DNAH6: variants seen among roughly 807,000 people sequenced by gnomAD.
The protein encoded by DNAH6 is dynein axonemal heavy chain 6, also known as axonemal beta dynein heavy chain 6.
A neutral mutation model predicts 491.4 loss-of-function variants in DNAH6; 340 were observed. That is an observed-to-expected ratio of 0.69 (90% CI 0.63 to 0.76). The LOEUF is 0.76. DNAH6 is among the 30% of genes least tolerant of loss of function. The pLI is 0.00. For missense variants in DNAH6, 4,443 were observed against 4,972.2 expected (o/e 0.89, Z 3.20); for synonymous variants, 1,603 against 1,686.1 (o/e 0.95, Z 1.21).
chr2:84,465,728 A>G, the DNAH6 span, among the ~76,000 whole-genome samples: 1 of 152,162 alleles, frequency 6.6e-6, no homozygotes, highest in African/African-American at 2.4e-5. Flanking sequence ...AAATTTTTAC[A>G]TTACCCAACC....
chr2:84,562,341 T>A (rs999511294), intron 11 of DNAH6, among the ~76,000 whole-genome samples: 20 of 152,110 alleles, frequency 1.3e-4, no homozygotes, highest in African/African-American at 4.8e-4. Context: ...ATGTGATGAA[T>A]ATAAATGAGC....
intron 61 of DNAH6, among the ~76,000 whole-genome samples, chr2:84,732,906 C>A (rs1029527362): frequency 6.6e-6 from 1 of 152,170 alleles, no homozygotes; most frequent in Non-Finnish European, 1.5e-5. Flanking sequence ...ACTGTTTGCC[C>A]ACATGTAAGT....
At chr2:84,648,242 C>G (rs1041222008) in intron 33 of DNAH6, among the ~76,000 whole-genome samples, 3 of 152,148 alleles carry the variant, frequency 2.0e-5, no homozygotes, top group African/African-American at 7.2e-5. Context: ...TGGCAATGAA[C>G]CTGGTCACTC....
At chr2:84,516,870 A>C (rs913798844) in intron 1 of DNAH6, among the ~76,000 whole-genome samples, 1 of 152,314 alleles carries the variant, frequency 6.6e-6, no homozygotes, top group African/African-American at 2.4e-5. Context: ...CAATGTGCTC[A>C]TATGTAAAAA....
intron 5 of DNAH6, among the ~76,000 whole-genome samples, chr2:84,545,878 C>T (rs1037860): frequency 0.92 from 140,185 of 152,210 alleles, 64,778 homozygotes; most frequent in East Asian, 1. Flanking sequence ...TGTTGGCACC[C>T]GTGCCTATGT....
chr2:84,638,578 A>G (rs1161453229), intron 31 of DNAH6, among the ~76,000 whole-genome samples: 1 of 152,230 alleles, frequency 6.6e-6, no homozygotes, highest in Non-Finnish European at 1.5e-5. Context: ...TCCTGTGATA[A>G]CAGCTAATTT....
chr2:84,743,945 G>A (rs1202825387), intron 62 of DNAH6, among the ~76,000 whole-genome samples: 1 of 152,146 alleles, frequency 6.6e-6, no homozygotes, highest in Non-Finnish European at 1.5e-5. Flanking sequence ...AACCTCACTG[G>A]AAAAGGAGTC....
At chr2:84,666,678 G>A (rs1329382060) in intron 37 of DNAH6, among the ~76,000 whole-genome samples, 1 of 152,096 alleles carries the variant, frequency 6.6e-6, no homozygotes, top group South Asian at 2.1e-4. Context: ...ACTGCCCAAG[G>A]TAATTTATAG....
At chr2:84,570,785 T>C (rs1681735206) in intron 11 of DNAH6, among the ~76,000 whole-genome samples, 2 of 152,308 alleles carry the variant, frequency 1.3e-5, no homozygotes, top group African/African-American at 2.4e-5. Flanking sequence ...CGGGTCCCCT[T>C]CCACGCTGTG....
At chr2:84,658,983 T>A (rs1276406736) in intron 36 of DNAH6, 43 bp from the exon 37 acceptor site, 20 of 1,198,090 alleles carry the variant, frequency 1.7e-5, no homozygotes, top group Non-Finnish European at 2.3e-5. Flanking sequence ...TCTTTTTATG[T>A]TCATATATAA....
At chr2:84,586,510 A>G (rs547999202) in intron 15 of DNAH6, among the ~76,000 whole-genome samples, 14 of 152,168 alleles carry the variant, frequency 9.2e-5, no homozygotes, top group Non-Finnish European at 1.2e-4. Flanking sequence ...GATGTAGTTT[A>G]TTCATGTTTA....
chr2:84,709,102 G>A (rs960656161), intron 54 of DNAH6, among the ~76,000 whole-genome samples: 2 of 152,344 alleles, frequency 1.3e-5, no homozygotes, highest in East Asian at 1.9e-4. Context: ...GACAACTGAG[G>A]TCCAAATAGA....
rs527454809 is a variant in DNAH6, at chr2:84,815,423, C to CA, written c.12151-437dup. On this transcript the variant is annotated intron_variant, in intron 75 of 76. Coordinates refer to ENST00000389394, the MANE Select transcript of DNAH6 (RefSeq NM_001370.2). ...CACCGGTGGAGACATCCAATCACAT[C>CA]ACAGGAATCTGATGGGCAGGGTCTC... 5.9e-4 allele frequency among the ~76,000 whole-genome samples: 88 copies of CA among 150,044 alleles called. 1 individual carries two copies. The South Asian group carries it at 0.018, about 30-fold the overall frequency.
intron 46 of DNAH6, among the ~76,000 whole-genome samples, chr2:84,694,909 T>G (rs1695228870): frequency 6.6e-6 from 1 of 152,182 alleles, no homozygotes; most frequent in Non-Finnish European, 1.5e-5. Flanking sequence ...CTACAACAGC[T>G]AAATTAACTG....
In DNAH6 at chr2:84,604,413, T is replaced by C; in HGVS notation, c.2943T>C (p.Asp981=). 1 of 1,552,220 alleles carries C rather than the reference T, an allele frequency of 6.4e-7. No individual in the cohort carries two copies. Among genetic ancestry groups the C allele is most frequent in the Non-Finnish European group, 8.7e-7 (1 of 1,147,080 alleles). ...RHWAAIEQTV[D]ATLVDAEIPL... The stretch of plus-strand genomic sequence containing the variant: ...GGGCAGCTATTGAACAAACAGTTGA[T>C]GCCACTCTAGTGGATGCTGAAATTC... The change falls in exon 19 of 77, where the codon GAT becomes GAC. Residue 981 remains aspartate (D), a synonymous_variant. Transcript: ENST00000389394.
intron 33 of DNAH6, among the ~76,000 whole-genome samples, chr2:84,650,921 C>T (rs2104552563): frequency 6.6e-6 from 1 of 152,240 alleles, no homozygotes; most frequent in Non-Finnish European, 1.5e-5. Context: ...GCTGGCTTTT[C>T]CTGATGCCAC....
chr2:84,539,950 T>G (rs1344687094), intron 4 of DNAH6, among the ~76,000 whole-genome samples: 1 of 152,150 alleles, frequency 6.6e-6, no homozygotes, highest in Non-Finnish European at 1.5e-5. Flanking sequence ...CAGATTGAGG[T>G]TGATAAATGC....
the DNAH6 span, among the ~76,000 whole-genome samples, chr2:84,507,721 A>C: frequency 1.3e-5 from 2 of 152,140 alleles, no homozygotes; most frequent in Non-Finnish European, 2.9e-5. Flanking sequence ...GATAGCTCTT[A>C]TTATTTTGAG....
intron 62 of DNAH6, among the ~76,000 whole-genome samples, chr2:84,744,118 C>G (rs1445847189): frequency 3.9e-5 from 6 of 152,248 alleles, no homozygotes; most frequent in African/African-American, 1.2e-4. Context: ...ACCCCAAGGC[C>G]ATGGTCAGAA....
Sources: allele counts gnomAD v4.1 joint callset (sites outside exome capture counted in the v4.1 genomes callset), GRCh38; gene constraint gnomAD v4.1.1; transcripts MANE v1.5; gene names NCBI Gene and HGNC (gene_info 2026-07-23, HGNC 2026-07-21).